Variants in GPHB5 observed in about 807,000 individuals in gnomAD.
GPHB5 encodes glycoprotein hormone beta-5.
Under a neutral mutation model 10.1 loss-of-function variants are expected in GPHB5, and 7 were observed. That is an observed-to-expected ratio of 0.69 (90% CI 0.39 to 1.30). The LOEUF is 1.30. Among genes scored for constraint, GPHB5 ranks in the 50% most tolerant of loss-of-function variants. The pLI, the probability that GPHB5 is intolerant of heterozygous loss-of-function variation, is 0.01. For synonymous variants in GPHB5, 68 were observed against 70.1 expected (o/e 0.97, Z 0.15); for missense variants, 161 against 169.8 (o/e 0.95, Z 0.29).
At chr14:63,316,677 C>A (rs78650279) in intron 2 of GPHB5, among the ~76,000 whole-genome samples, 18,898 of 152,126 alleles carry the variant, frequency 0.12, 1,438 homozygotes, top group African/African-American at 0.21. Flanking sequence ...AAAATGAGAT[C>A]CATAAGGGCT....
intron 2 of GPHB5, among the ~76,000 whole-genome samples, chr14:63,314,943 G>A (rs1427672612): frequency 6.2e-5 from 8 of 129,292 alleles, no homozygotes; most frequent in African/African-American, 1.5e-4. Flanking sequence ...TCACTCTGTC[G>A]CCAGGCTGGA....
intron 1 of GPHB5, 121 bp from the exon 2 acceptor site, chr14:63,317,971 G>A: frequency 1.2e-6 from 1 of 850,730 alleles, no homozygotes; most frequent in South Asian, 1.8e-5. Flanking sequence ...GGGAAAATGA[G>A]CCCAGAAATT....
At chr14:63,313,833 C>T (rs762428332) in intron 2 of GPHB5, among the ~76,000 whole-genome samples, 24 of 152,208 alleles carry the variant, frequency 1.6e-4, no homozygotes, top group Non-Finnish European at 3.2e-4. Context: ...AACATTCCAT[C>T]TCCATGCCCA....
At chr14:63,317,545 T>C in intron 2 of GPHB5, 101 bp downstream of exon 2, 1 of 1,108,208 alleles carries the variant, frequency 9.0e-7, no homozygotes, top group Non-Finnish European at 1.3e-6. Context: ...AGGGCAGATG[T>C]CCCAGCTCTA....
chr14:63,314,007 C>A (rs1346287964), intron 2 of GPHB5, among the ~76,000 whole-genome samples: 3 of 152,158 alleles, frequency 2.0e-5, no homozygotes, highest in African/African-American at 7.2e-5. Flanking sequence ...CCAAAACAGA[C>A]CCCGGGAGAG....
intron 2 of GPHB5, among the ~76,000 whole-genome samples, chr14:63,316,092 G>A (rs1348822110): frequency 1.3e-5 from 2 of 152,184 alleles, no homozygotes; most frequent in East Asian, 1.9e-4. Context: ...TGAATTTGCT[G>A]CCAATTGACA....
intron 2 of GPHB5, among the ~76,000 whole-genome samples, chr14:63,315,488 G>T (rs570456598): frequency 6.6e-6 from 1 of 151,432 alleles, no homozygotes; most frequent in South Asian, 2.1e-4. Context: ...TTTTATTTCA[G>T]TTTGGGTTTC....
chr14:63,313,319 A>T (rs892586344), intron 2 of GPHB5, among the ~76,000 whole-genome samples: 1 of 152,342 alleles, frequency 6.6e-6, no homozygotes, highest in Non-Finnish European at 1.5e-5. Context: ...AGGAGAGACC[A>T]TAGCACACAG....
In GPHB5 at chr14:63,317,634, T is replaced by A; in HGVS notation, c.204+12A>T. On this transcript the variant is annotated intron_variant, in intron 2 of 2. Transcript: ENST00000621500. ...TAGAAGACACTGTCATCTGCACAAC[T>A]TAGCAACTCACCTCCCAGGTCTCAC... 6.2e-7 allele frequency: 1 copy of A among 1,613,616 alleles called. No homozygotes were observed. Among genetic ancestry groups the A allele is most frequent in the Non-Finnish European group, 8.5e-7 (1 of 1,179,634 alleles).
Position 63,318,925 on chromosome 14 carries a change from T to A in GPHB5, c.-103A>T, listed in dbSNP as rs532559937. ...GAAGTTTGCCCTGGGTAAATGTCTC[T>A]ACCTTCTGTTACTGGGCTGCTTGAT... On this transcript the variant is annotated 5_prime_UTR_variant, in exon 1 of 3. Transcript: ENST00000621500. 16 of 152,252 alleles carry A rather than the reference T, an allele frequency of 1.1e-4. No homozygotes were observed. The East Asian group carries it at 1.3e-3, about 13-fold the overall frequency. The allele number at this position is 152,252 out of a possible 1,614,324, so 9.4% of individuals were successfully genotyped here.
chr14:63,316,486 T>C (rs1293252767), intron 2 of GPHB5, among the ~76,000 whole-genome samples: 8 of 152,108 alleles, frequency 5.3e-5, no homozygotes, highest in Non-Finnish European at 1.2e-4. Flanking sequence ...TGAACCTCTG[T>C]CCTGAAAAAA....
At chr14:63,316,134 A>G (rs1882766386) in intron 2 of GPHB5, among the ~76,000 whole-genome samples, 3 of 152,244 alleles carry the variant, frequency 2.0e-5, no homozygotes, top group Non-Finnish European at 4.4e-5. Context: ...CCCGATTTTC[A>G]TTGGGCTAGT....
intron 2 of GPHB5, among the ~76,000 whole-genome samples, chr14:63,316,450 G>T (rs1882773032): frequency 6.6e-6 from 1 of 152,142 alleles, no homozygotes; most frequent in Non-Finnish European, 1.5e-5. Context: ...ACGACATCTT[G>T]ACAAAAGCTG....
In GPHB5 at chr14:63,317,767, C is replaced by T. The variant is rs756102524; in HGVS notation, c.83G>A (p.Gly28Glu). The T allele has an allele frequency of 1.2e-6, 2 of 1,614,026 alleles. No individual in the cohort carries two copies. Among genetic ancestry groups the T allele is most frequent in the South Asian group, 1.1e-5 (1 of 91,092 alleles). Residue 28 changes from glycine (G) to glutamate (E), a missense_variant, in exon 2 of 3, where the codon GGG becomes GAG. Physicochemically the swap from Gly to Glu is moderately conservative, Grantham distance 98. Coordinates refer to ENST00000621500, the MANE Select transcript of GPHB5 (RefSeq NM_145171.4). Reference sequence around the variant, plus strand: ...ACAGCCCACAAAGGTGCGCAGGTTCCCACTGGAGGCACCGAGGACACAGCC... The same window carrying T: ...ACAGCCCACAAAGGTGCGCAGGTTCTCACTGGAGGCACCGAGGACACAGCC... ...GYGCVLGASS[G>E]NLRTFVGCAV...
intron 2 of GPHB5, among the ~76,000 whole-genome samples, 154 bp from the exon 3 acceptor site, chr14:63,313,270 A>C (rs7142587): frequency 6.0e-4 from 92 of 152,218 alleles, no homozygotes; most frequent in African/African-American, 2.2e-3. Flanking sequence ...TCCTGAAAGC[A>C]AGAAGCTGAT....
At position 63,313,070 on chromosome 14, in the gene GPHB5, C is replaced by G. The variant is rs1389387196; in HGVS notation, c.251G>C (p.Cys84Ser). The change falls in exon 3 of 3, where the codon TGT becomes TCT. Residue 84 changes from cysteine (C) to serine (S), a missense_variant. Cys to Ser is a moderately radical substitution (Grantham distance 112). Coordinates refer to ENST00000621500, the MANE Select transcript of GPHB5 (RefSeq NM_145171.4). ...PPYIEAHHRV[C>S]TYNETKQVTV... is the part of the protein sequence containing the mutation. Reference sequence around the variant, plus strand: ...CACCTGTTTGGTCTCGTTGTAGGTACAGACTCGATGATGGGCTTCAATATA... The same window carrying G: ...CACCTGTTTGGTCTCGTTGTAGGTAGAGACTCGATGATGGGCTTCAATATA... 10 of 1,607,374 alleles carry G rather than the reference C, an allele frequency of 6.2e-6. No homozygotes were observed. Among genetic ancestry groups the G allele is most frequent in the African/African-American group, 1.3e-5 (1 of 74,980 alleles).
intron 2 of GPHB5, among the ~76,000 whole-genome samples, chr14:63,314,426 A>T (rs1043603384): frequency 4.9e-5 from 7 of 144,020 alleles, no homozygotes; most frequent in African/African-American, 1.3e-4. Context: ...AATGCAATCC[A>T]TTTTTTTTTT....
At position 63,313,486 on chromosome 14, in the gene GPHB5, T is replaced by A. The variant is rs528495438; in HGVS notation, c.205-370A>T. On this transcript the variant is annotated intron_variant, in intron 2 of 2. Transcript: ENST00000621500. ...AACCTAAGTCAGATCATGTCACTCC[T>A]CTGCCCAAAGCCCCAGTGATTTCCC... is the stretch of plus-strand genomic sequence containing the variant. Among the ~76,000 whole-genome samples the A allele has an allele frequency of 7.2e-5, 11 of 152,276 alleles. No homozygotes were observed. In the South Asian group the frequency reaches 2.3e-3, roughly 32 times the overall value.
chr14:63,314,426 A>ATTT (rs11304179), intron 2 of GPHB5, among the ~76,000 whole-genome samples: 36,234 of 143,798 alleles, frequency 0.25, 4,732 homozygotes, highest in African/African-American at 0.34. Context: ...AATGCAATCC[A>ATTT]TTTTTTTTTT....
Sources: allele counts gnomAD v4.1 joint callset (sites outside exome capture counted in the v4.1 genomes callset), GRCh38; gene constraint gnomAD v4.1.1; transcripts MANE v1.5; gene names NCBI Gene and HGNC (gene_info 2026-07-23, HGNC 2026-07-21).